The following RBFOX3 variants were observed in gnomAD, a reference collection of about 807,000 sequenced individuals.
RBFOX3 encodes the protein RNA binding protein fox-1 homolog 3.
RBFOX3 carries 17 observed loss-of-function variants against 48.7 expected under a neutral mutation model. That is an observed-to-expected ratio of 0.35 (90% confidence interval 0.24 to 0.52). RBFOX3 has a LOEUF of 0.52. Among genes scored for constraint, RBFOX3 ranks in the 20% least tolerant of loss-of-function variants. The probability of loss-of-function intolerance (pLI) is 0.94; values close to 1 mark genes in which losing one functional copy is unlikely to be tolerated. For missense variants in RBFOX3, 382 were observed against 497.5 expected, an observed-to-expected ratio of 0.77 and a Z score of 2.21; for synonymous variants, 212 against 209.5, an observed-to-expected ratio of 1.01 and a Z score of -0.10.
intron 1 of RBFOX3, among the ~76,000 whole-genome samples, chr17:79,537,367 G>C (rs930944095): frequency 1.1e-4 from 16 of 152,298 alleles, no homozygotes; most frequent in African/African-American, 3.8e-4. Flanking sequence ...AAGGGCACCA[G>C]TCATTGGATT....
chr17:79,141,215 G>A (rs1326067967), intron 4 of RBFOX3, among the ~76,000 whole-genome samples: 1 of 152,216 alleles, frequency 6.6e-6, no homozygotes, highest in African/African-American at 2.4e-5. Context: ...CAAAAGACTG[G>A]TCTTTCTGCA....
At chr17:79,107,536 C>A (rs987999307) in intron 5 of RBFOX3, among the ~76,000 whole-genome samples, 45 of 152,226 alleles carry the variant, frequency 3.0e-4, no homozygotes, top group African/African-American at 1.1e-3. Context: ...TGAGGCTTTT[C>A]CTGCGTGGTC....
chr17:79,399,629 A>T (rs1415946474), intron 2 of RBFOX3, among the ~76,000 whole-genome samples: 1 of 152,130 alleles, frequency 6.6e-6, no homozygotes, highest in East Asian at 1.9e-4. Flanking sequence ...AAGCAAAAAA[A>T]ATCTACCTTT....
intron 2 of RBFOX3, among the ~76,000 whole-genome samples, chr17:79,417,250 C>T (rs576580922): frequency 6.6e-6 from 1 of 152,352 alleles, no homozygotes; most frequent in South Asian, 2.1e-4. Flanking sequence ...CTCTCAGCCC[C>T]TCAGCCTCTC....
rs1419439509 is a variant in RBFOX3, at chr17:79,477,380, C to T, written c.-175+5074G>A. ...GATCATCCTGGCTAACACGGTGAAA[C>T]CCCGTCTCTACTAAAAATACAAAAC... On this transcript the variant is annotated intron_variant, in intron 2 of 14. Transcript: ENST00000693108. This position sits in a 1 kb window ranked among gnomAD's most constrained non-coding sequence, Gnocchi z 4.8. 4.2e-4 allele frequency among the ~76,000 whole-genome samples: 63 copies of T among 151,058 alleles called. No individual in the cohort carries two copies. The highest frequency in any genetic ancestry group is 7.2e-4 in the Admixed American group (11 of 15,188).
At chr17:79,332,570 G>A (rs1490674205) in intron 2 of RBFOX3, among the ~76,000 whole-genome samples, 2 of 151,996 alleles carry the variant, frequency 1.3e-5, no homozygotes, top group Non-Finnish European at 2.9e-5. Flanking sequence ...GGGGCGTGGG[G>A]AGACAGAAAC....
At chr17:79,506,528 G>A (rs2083154365) in intron 1 of RBFOX3, among the ~76,000 whole-genome samples, 1 of 152,088 alleles carries the variant, frequency 6.6e-6, no homozygotes, top group Non-Finnish European at 1.5e-5. Flanking sequence ...TGCTCCAGTG[G>A]CCCCCTACCT....
chr17:79,417,740 G>C (rs2065621302), intron 2 of RBFOX3, among the ~76,000 whole-genome samples: 1 of 152,238 alleles, frequency 6.6e-6, no homozygotes, highest in African/African-American at 2.4e-5. Flanking sequence ...CAAGAGAACT[G>C]AGAGCCGCAA....
intron 2 of RBFOX3, among the ~76,000 whole-genome samples, chr17:79,404,305 G>C (rs539963248): frequency 6.6e-6 from 1 of 151,732 alleles, no homozygotes; most frequent in Admixed American, 6.6e-5. Flanking sequence ...GCCTGGCTAG[G>C]CACTGGTTCC....
At chr17:79,125,721 G>C (rs960064587) in intron 4 of RBFOX3, among the ~76,000 whole-genome samples, 5 of 152,236 alleles carry the variant, frequency 3.3e-5, no homozygotes. Context: ...TCCCGCCTGC[G>C]GGAAGGGCGC....
At chr17:79,597,324 A>C (rs984909458) in intron 1 of RBFOX3, among the ~76,000 whole-genome samples, 35 of 152,190 alleles carry the variant, frequency 2.3e-4, no homozygotes, top group Non-Finnish European at 4.4e-4. Context: ...TGGGAATGAG[A>C]GAGTGTTGGC....
intron 1 of RBFOX3, among the ~76,000 whole-genome samples, chr17:79,494,204 GC>G (rs2081108387): frequency 1.3e-5 from 2 of 152,126 alleles, no homozygotes; most frequent in African/African-American, 4.8e-5. Flanking sequence ...ACATCAACAG[GC>G]TGAGGCTGTA....
At chr17:79,094,564 G>A in intron 13 of RBFOX3, 35 bp from the exon 14 acceptor site, 1 of 521,892 alleles carries the variant, frequency 1.9e-6, no homozygotes, top group Non-Finnish European at 2.9e-6. Flanking sequence ...GTGGGAGGAG[G>A]GTGGGGGAGG....
intron 1 of RBFOX3, chr17:79,598,140 T>C (rs1176617204): frequency 6.6e-6 from 1 of 152,212 alleles, no homozygotes; most frequent in East Asian, 1.9e-4. Flanking sequence ...TCCAATAACA[T>C]TGCCTGGGCA....
chr17:79,562,710 G>A (rs1036578770), intron 1 of RBFOX3, among the ~76,000 whole-genome samples: 19 of 152,280 alleles, frequency 1.2e-4, no homozygotes, highest in African/African-American at 4.1e-4. Context: ...GGTGGGCCCC[G>A]GCCCCGGCTG....
chr17:79,435,981 G>A (rs1014251657), intron 2 of RBFOX3, among the ~76,000 whole-genome samples: 22 of 152,288 alleles, frequency 1.4e-4, no homozygotes, highest in African/African-American at 4.6e-4. Context: ...CCACAGAAAC[G>A]GCACTGGGAT....
the RBFOX3 span, among the ~76,000 whole-genome samples, chr17:79,623,300 C>T: frequency 6.6e-6 from 1 of 152,266 alleles, no homozygotes; most frequent in Non-Finnish European, 1.5e-5. Context: ...CTGCTGCCCA[C>T]AGCCTGGGCG....
intron 1 of RBFOX3, among the ~76,000 whole-genome samples, chr17:79,561,986 A>C (rs932000216): frequency 6.6e-6 from 1 of 152,212 alleles, no homozygotes; most frequent in Non-Finnish European, 1.5e-5. Context: ...AGCTCACCTC[A>C]TGGGGACAAG....
chr17:79,536,912 C>T (rs879954329), intron 1 of RBFOX3, among the ~76,000 whole-genome samples: 2 of 152,040 alleles, frequency 1.3e-5, no homozygotes, highest in African/African-American at 2.4e-5. Flanking sequence ...GGTAAAACCC[C>T]GTCTCTACTA....
Sources: gnomAD v4.1 joint callset for allele counts (sites outside exome capture counted in the v4.1 genomes callset) on GRCh38, gnomAD v4.1.1 for gene constraint, Gnocchi (gnomAD v3.1) non-coding constraint, MANE v1.5 for transcripts, NCBI Gene and HGNC (gene_info 2026-07-23, HGNC 2026-07-21) for gene names.